SLC35F1: variants seen among roughly 807,000 people sequenced by gnomAD.
The protein encoded by SLC35F1 is solute carrier family 35 member F1.
In SLC35F1, 14 loss-of-function variants were observed where a neutral mutation model predicts 48.7. The observed-to-expected ratio is 0.29, with a 90% confidence interval of 0.19 to 0.45. SLC35F1 has a LOEUF of 0.45. Among genes scored for constraint, SLC35F1 ranks in the 20% least tolerant of loss-of-function variants. The pLI is 1.00. For synonymous variants in SLC35F1, 190 were observed against 202.2 expected (o/e 0.94, Z 0.51); for missense variants, 404 against 500.0 (o/e 0.81, Z 1.83).
intron 2 of SLC35F1, among the ~76,000 whole-genome samples, chr6:118,229,153 A>AC (rs1327167408): frequency 6.6e-6 from 1 of 151,776 alleles, no homozygotes. Context: ...CCCTCACCCC[A>AC]CCCCATGTGC....
At chr6:117,949,800 C>CGTG (rs1265025636) in intron 1 of SLC35F1, among the ~76,000 whole-genome samples, 2 of 152,016 alleles carry the variant, frequency 1.3e-5, no homozygotes, top group Non-Finnish European at 2.9e-5. Context: ...GTTGGTGCAC[C>CGTG]ACCTGAAGAG....
At chr6:118,216,320 G>A (rs1323202160) in intron 2 of SLC35F1, among the ~76,000 whole-genome samples, 1 of 151,396 alleles carries the variant, frequency 6.6e-6, no homozygotes, top group East Asian at 1.9e-4. Context: ...GGCTTCAAAA[G>A]TGCTGGGATT....
chr6:118,056,352 C>G (rs1337429876), intron 1 of SLC35F1, among the ~76,000 whole-genome samples: 1 of 152,048 alleles, frequency 6.6e-6, no homozygotes, highest in Non-Finnish European at 1.5e-5. Flanking sequence ...AGAATTAAAT[C>G]CTGACATAGT....
At chr6:117,996,828 A>G (rs1166646709) in intron 1 of SLC35F1, among the ~76,000 whole-genome samples, 1 of 152,208 alleles carries the variant, frequency 6.6e-6, no homozygotes, top group Non-Finnish European at 1.5e-5. Flanking sequence ...TGGGGAAAAA[A>G]CAGAGCAGAA....
intron 1 of SLC35F1, among the ~76,000 whole-genome samples, chr6:118,042,158 T>C (rs569588586): frequency 9.2e-5 from 14 of 152,312 alleles, no homozygotes; most frequent in African/African-American, 3.4e-4. Flanking sequence ...CCATTCATTC[T>C]TGGAAACTCA....
intron 1 of SLC35F1, among the ~76,000 whole-genome samples, chr6:118,065,155 A>G (rs1288753391): frequency 6.6e-6 from 1 of 152,212 alleles, no homozygotes; most frequent in Non-Finnish European, 1.5e-5. Flanking sequence ...TGTTGCATCC[A>G]TTAATGTGAT....
At chr6:118,113,160 A>G (rs1054884914) in intron 1 of SLC35F1, among the ~76,000 whole-genome samples, 10 of 152,144 alleles carry the variant, frequency 6.6e-5, no homozygotes, top group African/African-American at 2.2e-4. Flanking sequence ...TCATGAACAT[A>G]GCTCACTGCA....
chr6:118,173,869 C>T (rs73766447), intron 2 of SLC35F1, among the ~76,000 whole-genome samples: 1,704 of 152,250 alleles, frequency 0.011, 40 homozygotes, highest in African/African-American at 0.039. Context: ...CAAAGAGATA[C>T]ATCTAATGTT....
chr6:118,056,877 A>T (rs1772470136), intron 1 of SLC35F1, among the ~76,000 whole-genome samples: 1 of 152,150 alleles, frequency 6.6e-6, no homozygotes, highest in Non-Finnish European at 1.5e-5. Context: ...AAAGGTTAAG[A>T]ATGATTTGTC....
intron 2 of SLC35F1, among the ~76,000 whole-genome samples, chr6:118,165,649 C>T (rs1267044807): frequency 6.6e-6 from 1 of 152,196 alleles, no homozygotes; most frequent in African/African-American, 2.4e-5. Context: ...CAGTGCAGCT[C>T]CAAAGCAGCT....
At chr6:118,163,529 A>G (rs1484216627) in intron 2 of SLC35F1, among the ~76,000 whole-genome samples, 1 of 152,086 alleles carries the variant, frequency 6.6e-6, no homozygotes, top group African/African-American at 2.4e-5. Flanking sequence ...TTTTATTTTA[A>G]ACAGCATATA....
At chr6:118,194,267 C>T (rs1774771509) in intron 2 of SLC35F1, among the ~76,000 whole-genome samples, 2 of 152,084 alleles carry the variant, frequency 1.3e-5, no homozygotes, top group South Asian at 4.2e-4. Flanking sequence ...AAGGAAAATT[C>T]AAGAAGAGAA....
At chr6:118,100,755 C>G (rs1328726972) in intron 1 of SLC35F1, among the ~76,000 whole-genome samples, 2 of 152,116 alleles carry the variant, frequency 1.3e-5, no homozygotes, top group Non-Finnish European at 2.9e-5. Context: ...GAATCATTGG[C>G]AATGAACTCA....
chr6:117,910,441 T>G (rs914576834), intron 1 of SLC35F1, among the ~76,000 whole-genome samples: 1 of 152,188 alleles, frequency 6.6e-6, no homozygotes, highest in Non-Finnish European at 1.5e-5. Context: ...CTTTTCCTCT[T>G]CCTCCTTCCT....
At chr6:118,084,151 G>T (rs916398019) in intron 1 of SLC35F1, among the ~76,000 whole-genome samples, 1 of 152,178 alleles carries the variant, frequency 6.6e-6, no homozygotes, top group African/African-American at 2.4e-5. Context: ...TTTTAGCCCA[G>T]TCTGGCTCCA....
intron 1 of SLC35F1, among the ~76,000 whole-genome samples, chr6:118,149,608 G>T (rs1252966516): frequency 6.6e-6 from 1 of 152,180 alleles, no homozygotes; most frequent in Non-Finnish European, 1.5e-5. Flanking sequence ...AAAGACTCAT[G>T]AACTAATCTG....
intron 2 of SLC35F1, among the ~76,000 whole-genome samples, chr6:118,202,747 A>G (rs1774887824): frequency 6.6e-6 from 1 of 152,202 alleles, no homozygotes; most frequent in Non-Finnish European, 1.5e-5. Flanking sequence ...TCATGTAGTG[A>G]TAAGTGTTCT....
intron 1 of SLC35F1, among the ~76,000 whole-genome samples, chr6:118,036,703 G>T (rs888817206): frequency 1.3e-5 from 2 of 152,128 alleles, no homozygotes; most frequent in Non-Finnish European, 2.9e-5. Flanking sequence ...GACTACAGGT[G>T]CATGCCACCA....
chr6:118,141,798 G>C (rs995607302), intron 1 of SLC35F1, among the ~76,000 whole-genome samples: 2 of 152,100 alleles, frequency 1.3e-5, no homozygotes, highest in African/African-American at 4.8e-5. Flanking sequence ...TTTGTAAATG[G>C]TTTCATCTGG....
Sources: gnomAD v4.1 joint callset for allele counts (sites outside exome capture counted in the v4.1 genomes callset) on GRCh38, gnomAD v4.1.1 for gene constraint, MANE v1.5 for transcripts, NCBI Gene and HGNC (gene_info 2026-07-23, HGNC 2026-07-21) for gene names.